Variants in CDS2 observed in about 807,000 individuals in gnomAD.
CDS2 encodes CDP-diacylglycerol synthase 2.
CDS2 carries 47 observed loss-of-function variants against 59.0 expected under a neutral mutation model. The ratio of observed to expected loss-of-function variants is 0.80; its 90% CI spans 0.63 to 1.02. The LOEUF is 1.02. CDS2 is among the 50% of genes least tolerant of loss of function. The pLI is 0.00. For synonymous variants in CDS2, 207 were observed against 206.4 expected, an observed-to-expected ratio of 1.00 and a Z score of -0.02; for missense variants, 356 against 558.9, an observed-to-expected ratio of 0.64 and a Z score of 3.66.
intron 1 of CDS2, among the ~76,000 whole-genome samples, chr20:5,147,749 A>T (rs1405373296): frequency 6.7e-6 from 1 of 149,654 alleles, no homozygotes; most frequent in Non-Finnish European, 1.5e-5. Flanking sequence ...TTCTTTGGTG[A>T]CAGAGTCTTG....
intron 1 of CDS2, among the ~76,000 whole-genome samples, chr20:5,145,497 G>A (rs981113730): frequency 6.6e-6 from 1 of 151,986 alleles, no homozygotes; most frequent in African/African-American, 2.4e-5. Flanking sequence ...CCACTATCCC[G>A]TTTGCCAGAT....
chr20:5,179,670 G>T (rs138869207), intron 5 of CDS2, among the ~76,000 whole-genome samples: 55 of 152,352 alleles, frequency 3.6e-4, no homozygotes, highest in African/African-American at 1.3e-3. Flanking sequence ...GGATTTGGGC[G>T]TAGACTCTGC....
At chr20:5,128,738 G>A (rs1045476510) in intron 1 of CDS2, 1 of 152,058 alleles carries the variant, frequency 6.6e-6, no homozygotes, top group African/African-American at 2.4e-5. Flanking sequence ...GACTTACCTT[G>A]TACTACTAGT....
intron 1 of CDS2, among the ~76,000 whole-genome samples, chr20:5,130,698 G>T (rs1031951250): frequency 6.6e-6 from 1 of 151,342 alleles, no homozygotes; most frequent in African/African-American, 2.4e-5. Context: ...CAGGAGAATC[G>T]CTTGAACTTG....
At chr20:5,134,293 C>G (rs1343302331) in intron 1 of CDS2, among the ~76,000 whole-genome samples, 1 of 152,170 alleles carries the variant, frequency 6.6e-6, no homozygotes, top group African/African-American at 2.4e-5. Context: ...TAGTAATAAG[C>G]AGTCATTCAG....
chr20:5,135,726 C>T (rs1406611542), intron 1 of CDS2, among the ~76,000 whole-genome samples: 1 of 152,068 alleles, frequency 6.6e-6, no homozygotes. Context: ...GGCATTGAGC[C>T]CACTAAGTTG....
At position 5,175,276 on chromosome 20, in the gene CDS2, A is replaced by G. The variant is rs781669647; in HGVS notation, c.288A>G (p.Ile96Met). ...ACCTGGGACCAATGGTTTTGATGATAATCGTAAGTGCCATTTCACACTATT... is the reference window on the plus strand; with the variant it reads ...ACCTGGGACCAATGGTTTTGATGATGATCGTAAGTGCCATTTCACACTATT... Reference protein sequence around the residue: ...IIYLGPMVLMIIVMCVQIKCF... With the variant: ...IIYLGPMVLMMIVMCVQIKCF... The change falls in exon 3 of 13, where the codon ATA (isoleucine) becomes ATG (methionine). Residue 96 changes from isoleucine (I) to methionine (M), a missense_variant. Transcript: ENST00000460006. 3.7e-6 allele frequency: 6 copies of G among 1,611,940 alleles called. No individual in the cohort carries two copies. The highest frequency in any genetic ancestry group is 3.4e-6 in the Non-Finnish European group (4 of 1,178,138).
chr20:5,189,609 A>G (rs1327040994), intron 11 of CDS2, 126 bp from the exon 12 acceptor site: 1 of 691,530 alleles, frequency 1.4e-6, no homozygotes, highest in East Asian at 2.5e-5. Flanking sequence ...ATTAGATTTC[A>G]TACTTCTCAC....
At chr20:5,138,906 G>A (rs1311747868) in intron 1 of CDS2, among the ~76,000 whole-genome samples, 1 of 152,152 alleles carries the variant, frequency 6.6e-6, no homozygotes, top group East Asian at 1.9e-4. Flanking sequence ...TTTAAATCCT[G>A]AAATCTGTAT....
In CDS2 at chr20:5,158,977, T is replaced by A. The variant is rs575749123; in HGVS notation, c.58-14546T>A. 1.7e-4 allele frequency among the ~76,000 whole-genome samples: 26 copies of A among 152,292 alleles called. No individual in the cohort carries two copies. In the East Asian group the frequency reaches 4.4e-3, roughly 26 times the overall value. On this transcript the variant is annotated intron_variant, in intron 1 of 12. Coordinates refer to ENST00000460006, the MANE Select transcript of CDS2 (RefSeq NM_003818.4). Reference sequence around the variant, plus strand: ...GCACAGGTGAGGGTGAGGCACTTGATGTTAGGAAAACCTTGCTTTAACCCA... The same window carrying A: ...GCACAGGTGAGGGTGAGGCACTTGAAGTTAGGAAAACCTTGCTTTAACCCA...
chr20:5,163,220 C>G (rs1431563738), intron 1 of CDS2, among the ~76,000 whole-genome samples: 1 of 152,102 alleles, frequency 6.6e-6, no homozygotes, highest in East Asian at 1.9e-4. Context: ...GTTTCAGCAC[C>G]CTTCAGAGGT....
chr20:5,179,121 CT>C (rs34544851), intron 5 of CDS2, among the ~76,000 whole-genome samples, 165 bp downstream of exon 5: 3,227 of 130,226 alleles, frequency 0.025, 49 homozygotes, highest in East Asian at 0.091. Flanking sequence ...CAGCTGTTAC[CT>C]TTTTTTTTTT....
At chr20:5,188,585 A>T (rs895968508) in intron 10 of CDS2, among the ~76,000 whole-genome samples, 2 of 152,204 alleles carry the variant, frequency 1.3e-5, no homozygotes, top group Non-Finnish European at 2.9e-5. Context: ...AGTTTCATAA[A>T]GAGTTACGAG....
At position 5,178,871 on chromosome 20, in the gene CDS2, C is replaced by T. The variant is rs200304958; in HGVS notation, c.444C>T (p.Tyr148=). The part of the protein sequence containing the change: ...YFFYGETVTD[Y]FFTLVQREEP... ...TCTATGGTGAGACAGTGACGGATTA[C>T]TTCTTCACCCTGGTCCAGAGAGAAG... Residue 148 remains tyrosine, a synonymous_variant, in exon 5 of 13, where the codon TAC becomes TAT. Transcript: ENST00000460006. The T allele has an allele frequency of 6.6e-5, 106 of 1,613,954 alleles. No homozygotes were observed. The highest frequency in any genetic ancestry group is 8.1e-5 in the Non-Finnish European group (96 of 1,179,902).
At chr20:5,130,732 G>A (rs750627672) in intron 1 of CDS2, among the ~76,000 whole-genome samples, 10 of 151,122 alleles carry the variant, frequency 6.6e-5, no homozygotes, top group East Asian at 2.0e-4. Context: ...CCGGTGAGCC[G>A]AGATTGCGCC....
chr20:5,156,855 A>G (rs2123005742), intron 1 of CDS2, among the ~76,000 whole-genome samples: 1 of 152,318 alleles, frequency 6.6e-6, no homozygotes, highest in East Asian at 1.9e-4. Context: ...CCCATGGGAA[A>G]GGTCATGCCT....
chr20:5,188,979 A>G, intron 10 of CDS2, 88 bp from the exon 11 acceptor site: 1 of 1,549,602 alleles, frequency 6.5e-7, no homozygotes, highest in Non-Finnish European at 8.9e-7. Context: ...GGCCACAATG[A>G]GGATCAAATT....
rs1211374610 is a variant in CDS2 at position 5,192,823 on chromosome 20, C to T, written c.*2589C>T. 2.0e-5 allele frequency: 3 copies of T among 152,310 alleles called. No individual in the cohort carries two copies. Among genetic ancestry groups the T allele is most frequent in the Non-Finnish European group, 4.4e-5 (3 of 68,102 alleles). The allele number at this position is 152,310 out of a possible 1,614,324, so 9.4% of individuals were successfully genotyped here. A position where few individuals can be genotyped will look rare whatever the true frequency, so the allele number is the denominator to read the frequency against. ...CTACATTCTCACAACAGCCTTCTTACCTCGGGTGAGAGTCATGAGCACCTT... is the reference window on the plus strand; with the variant it reads ...CTACATTCTCACAACAGCCTTCTTATCTCGGGTGAGAGTCATGAGCACCTT... On this transcript the variant is annotated 3_prime_UTR_variant, in exon 13 of 13. Transcript: ENST00000460006.
At chr20:5,136,706 G>A (rs1038829186) in intron 1 of CDS2, among the ~76,000 whole-genome samples, 1 of 151,964 alleles carries the variant, frequency 6.6e-6, no homozygotes, top group African/African-American at 2.4e-5. Flanking sequence ...ATTATTGGGG[G>A]GGTGGGGTGG....
Sources: allele counts gnomAD v4.1 joint callset (sites outside exome capture counted in the v4.1 genomes callset), GRCh38; gene constraint gnomAD v4.1.1; transcripts MANE v1.5; gene names NCBI Gene and HGNC (gene_info 2026-07-23, HGNC 2026-07-21).